Variants in DNAH11 observed in about 807,000 individuals in gnomAD.
DNAH11 encodes the protein axonemal beta dynein heavy chain 11.
Under a neutral mutation model 526.0 loss-of-function variants are expected in DNAH11, and 442 were observed. That is an observed-to-expected ratio of 0.84 (90% CI 0.78 to 0.91). The LOEUF (loss-of-function observed/expected upper bound fraction) is 0.91, where lower values mean the gene tolerates loss of function less well. Ranked by LOEUF, DNAH11 falls within the 40% of genes least tolerant of loss-of-function variation. DNAH11 has a pLI of 0.00. For missense variants in DNAH11, 6,989 were observed against 5,448.7 expected, an observed-to-expected ratio of 1.28 and a Z score of -8.90; for synonymous variants, 2,461 against 1,935.9, an observed-to-expected ratio of 1.27 and a Z score of -7.12.
chr7:21,823,703 G>A (rs1790152269), intron 65 of DNAH11, among the ~76,000 whole-genome samples: 1 of 151,944 alleles, frequency 6.6e-6, no homozygotes, highest in African/African-American at 2.4e-5. Flanking sequence ...CAAAAACAGA[G>A]CAATACAAAC....
chr7:21,801,147 G>T lies in DNAH11; in HGVS notation c.10037G>T (p.Arg3346Leu). 1 of 1,608,520 alleles carries T rather than the reference G, an allele frequency of 6.2e-7. No homozygotes were observed. The highest frequency in any genetic ancestry group is 1.1e-5 in the South Asian group (1 of 89,906). Residue 3346 changes from arginine (R) to leucine (L), a missense_variant, in exon 62 of 82, where the codon CGA becomes CTA. Coordinates refer to ENST00000409508, the MANE Select transcript of DNAH11 (RefSeq NM_001277115.2). ...AIRKKLVDLD[R>L]NLSRLTASFE... is the part of the protein sequence containing the mutation. Reference sequence around the variant, plus strand: ...TCAACTCTGATTCAGGATCTGGATCGAAATCTGAGCAGACTCACGGCTTCA... The same window carrying T: ...TCAACTCTGATTCAGGATCTGGATCTAAATCTGAGCAGACTCACGGCTTCA...
intron 54 of DNAH11, among the ~76,000 whole-genome samples, chr7:21,761,073 C>T (rs1786877930): frequency 6.6e-6 from 1 of 152,072 alleles, no homozygotes; most frequent in Non-Finnish European, 1.5e-5. Flanking sequence ...CTGGGGTTTA[C>T]TTCAGGTTAT....
chr7:21,558,899 A>T lies in DNAH11; in HGVS notation c.593A>T (p.Lys198Met), dbSNP rs1196115987. 6.2e-7 allele frequency: 1 copy of T among 1,605,280 alleles called. No homozygotes were observed. Among genetic ancestry groups the T allele is most frequent in the South Asian group, 1.1e-5 (1 of 89,160 alleles). ...TATCACATAGAAGTCATGAAAAAGAAGATGTATATTTTTAGGGGCAAAATG... is the reference window on the plus strand; with the variant it reads ...TATCACATAGAAGTCATGAAAAAGATGATGTATATTTTTAGGGGCAAAATG... ...MEYHIEVMKK[K>M]MYIFRGKMSR... is the part of the protein sequence containing the mutation. Residue 198 changes from lysine (K) to methionine (M), a missense_variant, in exon 3 of 82, where the codon AAG (lysine) becomes ATG (methionine). Physicochemically the swap from Lys to Met is moderately conservative, Grantham distance 95 (BLOSUM62 -1). Coordinates refer to ENST00000409508, the MANE Select transcript of DNAH11 (RefSeq NM_001277115.2).
intron 2 of DNAH11, among the ~76,000 whole-genome samples, chr7:21,545,464 T>C (rs532329675): frequency 1.3e-5 from 2 of 152,186 alleles, no homozygotes; most frequent in African/African-American, 4.8e-5. Flanking sequence ...AAAAAGCAAC[T>C]TGAATAGGTT....
chr7:21,854,638 A>G (rs1227129249), intron 68 of DNAH11, among the ~76,000 whole-genome samples, 183 bp downstream of exon 68: 1 of 151,712 alleles, frequency 6.6e-6, no homozygotes, highest in Non-Finnish European at 1.5e-5. Context: ...TGCCTCCCAT[A>G]TTCAAGCAAT....
chr7:21,618,869 T>G (rs943481932), intron 23 of DNAH11, among the ~76,000 whole-genome samples: 15 of 151,976 alleles, frequency 9.9e-5, no homozygotes, highest in African/African-American at 3.4e-4. Flanking sequence ...ACAAAGAAAA[T>G]AGTGTAGCAC....
At chr7:21,678,368 GA>G (rs1242770080) in intron 30 of DNAH11, among the ~76,000 whole-genome samples, 3 of 151,890 alleles carry the variant, frequency 2.0e-5, no homozygotes, top group African/African-American at 7.2e-5. Flanking sequence ...AAAATCAGTT[GA>G]AAAATTTATT....
At chr7:21,900,858 A>G (rs925943849) in intron 81 of DNAH11, 149 bp from the exon 82 acceptor site, 1 of 1,324,780 alleles carries the variant, frequency 7.5e-7, no homozygotes, top group Non-Finnish European at 1.0e-6. Context: ...TTCAAAGCTC[A>G]GTCCGGCCAG....
intron 25 of DNAH11, among the ~76,000 whole-genome samples, chr7:21,621,791 A>G (rs1400016509): frequency 1.3e-5 from 2 of 152,108 alleles, no homozygotes; most frequent in East Asian, 3.9e-4. Context: ...CTAAAACTCA[A>G]TAAATTAGGT....
intron 18 of DNAH11, 143 bp from the exon 19 acceptor site, chr7:21,606,283 A>G (rs1021590302): frequency 3.0e-6 from 2 of 668,944 alleles, no homozygotes; most frequent in Non-Finnish European, 5.0e-6. Flanking sequence ...AGATCATGCC[A>G]GTGCACTCCA....
intron 39 of DNAH11, among the ~76,000 whole-genome samples, chr7:21,705,766 A>G (rs1160439328): frequency 6.6e-6 from 1 of 152,222 alleles, no homozygotes; most frequent in Non-Finnish European, 1.5e-5. Flanking sequence ...GCATTCACAT[A>G]GGAAAAGCAA....
At chr7:21,732,729 T>C (rs1785434924) in intron 45 of DNAH11, among the ~76,000 whole-genome samples, 1 of 152,240 alleles carries the variant, frequency 6.6e-6, no homozygotes, top group Admixed American at 6.5e-5. Context: ...GATCATCCCA[T>C]CTTTCTATAC....
chr7:21,681,765 T>G (rs957387173), intron 31 of DNAH11, 88 bp downstream of exon 31: 2 of 1,537,148 alleles, frequency 1.3e-6, no homozygotes, highest in African/African-American at 2.7e-5. Context: ...AAGTCGTTGT[T>G]TTTTTGAAAG....
At chr7:21,568,217 G>A (rs1168356457) in intron 6 of DNAH11, among the ~76,000 whole-genome samples, 7 of 152,116 alleles carry the variant, frequency 4.6e-5, no homozygotes, top group Admixed American at 4.6e-4. Context: ...TAGTTTATAA[G>A]ACCTCTGAAG....
intron 45 of DNAH11, among the ~76,000 whole-genome samples, chr7:21,734,938 G>A (rs1008899079): frequency 3.6e-4 from 55 of 152,038 alleles, no homozygotes; most frequent in East Asian, 1.9e-4. Context: ...TTGGGAGCCC[G>A]AGGCGGGTGG....
chr7:21,629,457 T>C (rs1786497676), intron 25 of DNAH11, among the ~76,000 whole-genome samples: 1 of 152,144 alleles, frequency 6.6e-6, no homozygotes, highest in African/African-American at 2.4e-5. Flanking sequence ...TGTTTCTTTG[T>C]TGATTTTTGA....
At chr7:21,597,781 T>C (rs980272087) in intron 14 of DNAH11, among the ~76,000 whole-genome samples, 2 of 152,184 alleles carry the variant, frequency 1.3e-5, no homozygotes, top group African/African-American at 4.8e-5. Flanking sequence ...CGTATTAATA[T>C]CTTTAAGATG....
chr7:21,842,859 C>G, intron 66 of DNAH11, 111 bp downstream of exon 66: 1 of 927,712 alleles, frequency 1.1e-6, no homozygotes, highest in Non-Finnish European at 1.6e-6. Context: ...AATCCTGCAA[C>G]CTAATTGGGA....
chr7:21,825,500 A>G (rs182977710), intron 65 of DNAH11, among the ~76,000 whole-genome samples: 120 of 152,342 alleles, frequency 7.9e-4, no homozygotes, highest in African/African-American at 2.7e-3. Flanking sequence ...AGAATTGTGG[A>G]GTCTTTCAGA....
Sources: allele counts gnomAD v4.1 joint callset (sites outside exome capture counted in the v4.1 genomes callset), GRCh38; gene constraint gnomAD v4.1.1; transcripts MANE v1.5; gene names NCBI Gene and HGNC (gene_info 2026-07-23, HGNC 2026-07-21).